Variants in PLXNA4 observed in about 807,000 individuals in gnomAD.
PLXNA4 encodes the protein plexin-A4.
A neutral mutation model predicts 191.8 loss-of-function variants in PLXNA4; 44 were observed. The ratio of observed to expected loss-of-function variants is 0.23; its 90% CI spans 0.18 to 0.29. The LOEUF (loss-of-function observed/expected upper bound fraction) is 0.29, where lower values mean the gene tolerates loss of function less well. Ranked by LOEUF, PLXNA4 falls within the 10% of genes least tolerant of loss-of-function variation. The pLI, the probability that PLXNA4 is intolerant of heterozygous loss-of-function variation, is 1.00. For synonymous variants in PLXNA4, 1,082 were observed against 1,009.5 expected (o/e 1.07, Z -1.36); for missense variants, 1,800 against 2,488.8 (o/e 0.72, Z 5.89).
At chr7:132,179,186 C>A (rs1159796449) in intron 20 of PLXNA4, among the ~76,000 whole-genome samples, 1 of 147,554 alleles carries the variant, frequency 6.8e-6, no homozygotes, top group Non-Finnish European at 1.5e-5. Flanking sequence ...CTGCTCACAG[C>A]TGCCTGGCCT....
chr7:132,254,241 C>T (rs1473563062), intron 4 of PLXNA4, among the ~76,000 whole-genome samples: 1 of 152,064 alleles, frequency 6.6e-6, no homozygotes, highest in East Asian at 1.9e-4. Context: ...CTCTTGTGAT[C>T]TCAAAAAAGT....
At chr7:132,416,682 T>G (rs568113395) in intron 3 of PLXNA4, among the ~76,000 whole-genome samples, 1 of 152,342 alleles carries the variant, frequency 6.6e-6, no homozygotes, top group East Asian at 1.9e-4. Context: ...GAATGAGACA[T>G]TGAACATTTG....
At chr7:132,358,470 G>C (rs1222411076) in intron 3 of PLXNA4, among the ~76,000 whole-genome samples, 1 of 152,160 alleles carries the variant, frequency 6.6e-6, no homozygotes, top group Non-Finnish European at 1.5e-5. Flanking sequence ...TGGAGGAGAG[G>C]GTTGGTGGAG....
intron 4 of PLXNA4, among the ~76,000 whole-genome samples, chr7:132,254,259 T>C (rs1799355472): frequency 6.6e-6 from 1 of 152,210 alleles, no homozygotes; most frequent in Non-Finnish European, 1.5e-5. Flanking sequence ...AGTACAGTGA[T>C]ATCAATCTGA....
chr7:132,532,996 T>C (rs772128697), intron 1 of PLXNA4, among the ~76,000 whole-genome samples: 3 of 152,216 alleles, frequency 2.0e-5, no homozygotes, highest in Non-Finnish European at 4.4e-5. Flanking sequence ...AGTAGAGCAA[T>C]CAGTGGAACT....
intron 21 of PLXNA4, among the ~76,000 whole-genome samples, chr7:132,169,494 T>A (rs1050860637): frequency 1.3e-5 from 2 of 152,152 alleles, no homozygotes; most frequent in Non-Finnish European, 2.9e-5. Context: ...TTCCACCCAA[T>A]GGATACCACA....
At chr7:132,582,876 T>TG (rs1461345718) in intron 2 of PLXNA4, among the ~76,000 whole-genome samples, 1 of 152,118 alleles carries the variant, frequency 6.6e-6, no homozygotes, top group Non-Finnish European at 1.5e-5. Flanking sequence ...AAGGACAAAG[T>TG]GGGGCATGCT....
At chr7:132,279,414 A>G (rs1800396259) in intron 4 of PLXNA4, among the ~76,000 whole-genome samples, 1 of 152,152 alleles carries the variant, frequency 6.6e-6, no homozygotes, top group Non-Finnish European at 1.5e-5. Flanking sequence ...GGATCACTTG[A>G]GTTCAGGAGT....
intron 3 of PLXNA4, among the ~76,000 whole-genome samples, chr7:132,337,074 C>T (rs778481748): frequency 2.6e-5 from 4 of 152,202 alleles, no homozygotes; most frequent in South Asian, 2.1e-4. Flanking sequence ...TAAATTTCAC[C>T]GCGGTGTAAT....
chr7:132,265,297 T>G (rs2116283638), intron 4 of PLXNA4, among the ~76,000 whole-genome samples: 1 of 152,336 alleles, frequency 6.6e-6, no homozygotes, highest in South Asian at 2.1e-4. Flanking sequence ...GTTTCCATAC[T>G]TTCAAAAACA....
chr7:132,132,205 G>T (rs1419725980), intron 31 of PLXNA4, among the ~76,000 whole-genome samples: 1 of 152,200 alleles, frequency 6.6e-6, no homozygotes, highest in Non-Finnish European at 1.5e-5. Context: ...AGCTTCCTGG[G>T]CTGATCAGAA....
intron 2 of PLXNA4, among the ~76,000 whole-genome samples, chr7:132,615,306 G>A (rs1346374092): frequency 6.6e-6 from 1 of 152,180 alleles, no homozygotes; most frequent in Non-Finnish European, 1.5e-5. Flanking sequence ...AGAGGGAGCA[G>A]GGCCCTAAGG....
At chr7:132,195,009 A>G (rs935309206) in intron 13 of PLXNA4, among the ~76,000 whole-genome samples, 1 of 152,018 alleles carries the variant, frequency 6.6e-6, no homozygotes, top group Non-Finnish European at 1.5e-5. Context: ...GGGCAAAGAA[A>G]AGTTAGGCAA....
intron 3 of PLXNA4, among the ~76,000 whole-genome samples, chr7:132,470,124 G>A (rs570987778): frequency 6.6e-6 from 1 of 152,272 alleles, no homozygotes; most frequent in Admixed American, 6.5e-5. Context: ...AAAACCAAGG[G>A]GAAGAAACTC....
chr7:132,314,074 T>C (rs1275433806), intron 3 of PLXNA4, among the ~76,000 whole-genome samples: 1 of 152,074 alleles, frequency 6.6e-6, no homozygotes, highest in Non-Finnish European at 1.5e-5. Flanking sequence ...TGCAAATGAA[T>C]AGGCAGTCAC....
At chr7:132,315,302 C>A (rs1038988879) in intron 3 of PLXNA4, among the ~76,000 whole-genome samples, 18 of 152,168 alleles carry the variant, frequency 1.2e-4, no homozygotes, top group African/African-American at 4.1e-4. Flanking sequence ...GCACACATTT[C>A]AAATAAGATT....
rs199628335 is a variant in PLXNA4 at position 132,638,667 on chromosome 7, G to GA, written c.-87+7260dup. ...ACTCTGTCTCAAAAAACAGAAAAAA[G>GA]AAAAAAAAATGCCGACCATTTGTAC... On this transcript the variant is annotated intron_variant, in intron 2 of 4. Coordinates refer to the PLXNA4 transcript ENST00000378539. 1.1e-3 allele frequency among the ~76,000 whole-genome samples: 168 copies of GA among 149,464 alleles called. 1 individual carries two copies. Among genetic ancestry groups the GA allele is most frequent in the African/African-American group, 3.8e-3 (154 of 40,698 alleles).
At chr7:132,348,848 C>T (rs556480895) in intron 3 of PLXNA4, among the ~76,000 whole-genome samples, 103 of 152,264 alleles carry the variant, frequency 6.8e-4, no homozygotes, top group Admixed American at 1.8e-3. Context: ...AGAGGCAATT[C>T]TTATTATGCT....
At chr7:132,622,881 G>T (rs1460222572) in intron 2 of PLXNA4, among the ~76,000 whole-genome samples, 1 of 152,332 alleles carries the variant, frequency 6.6e-6, no homozygotes, top group East Asian at 1.9e-4. Flanking sequence ...ACTTTCTGTG[G>T]CATGGAGAAA....
Sources: allele counts gnomAD v4.1 joint callset (sites outside exome capture counted in the v4.1 genomes callset), GRCh38; gene constraint gnomAD v4.1.1; transcripts MANE v1.5; gene names NCBI Gene and HGNC (gene_info 2026-07-23, HGNC 2026-07-21).